RALYL: variants seen among roughly 807,000 people sequenced by gnomAD.
The protein encoded by RALYL is RNA-binding Raly-like protein.
Under a neutral mutation model 35.1 loss-of-function variants are expected in RALYL, and 29 were observed. The observed-to-expected ratio is 0.83, with a 90% CI of 0.61 to 1.13. The LOEUF is 1.13. RALYL is among the 50% of genes most tolerant of loss of function. The pLI is 0.00. For synonymous variants in RALYL, 120 were observed against 127.6 expected, an observed-to-expected ratio of 0.94 and a Z score of 0.40; for missense variants, 359 against 360.4, an observed-to-expected ratio of 1.00 and a Z score of 0.03.
At chr8:84,653,976 G>A (rs780670926) in intron 2 of RALYL, among the ~76,000 whole-genome samples, 1 of 150,954 alleles carries the variant, frequency 6.6e-6, no homozygotes, top group Admixed American at 6.6e-5. Flanking sequence ...GCTCTGAAAG[G>A]TAAGCCCATT....
intron 1 of RALYL, among the ~76,000 whole-genome samples, chr8:84,361,995 T>A (rs1853141290): frequency 6.6e-6 from 1 of 152,152 alleles, no homozygotes; most frequent in Admixed American, 6.6e-5. Context: ...ATAATTCTTA[T>A]TTTCCAGGTT....
intron 2 of RALYL, among the ~76,000 whole-genome samples, chr8:84,592,524 A>G (rs1301398151): frequency 6.6e-6 from 1 of 152,128 alleles, no homozygotes; most frequent in East Asian, 1.9e-4. Flanking sequence ...ATAATTACTA[A>G]TTTTAATCTC....
intron 1 of RALYL, among the ~76,000 whole-genome samples, chr8:84,291,656 T>C (rs1036600345): frequency 6.6e-6 from 1 of 152,018 alleles, no homozygotes. Flanking sequence ...ATTATAAAAA[T>C]GTGCTTACTA....
In RALYL at chr8:84,387,461, T is replaced by G. The variant is rs371778242; in HGVS notation, c.-23-141838T>G. Reference sequence around the variant, plus strand: ...ATTTATTAAAATTTCCAGGCTGTACTTAATTCAGGTAAACTTCAAAATCAC... The same window carrying G: ...ATTTATTAAAATTTCCAGGCTGTACGTAATTCAGGTAAACTTCAAAATCAC... On this transcript the variant is annotated intron_variant, in intron 1 of 8. Coordinates refer to ENST00000521268, the MANE Select transcript of RALYL (RefSeq NM_173848.7). 1.5e-3 allele frequency among the ~76,000 whole-genome samples: 229 copies of G among 152,026 alleles called. 2 individuals are homozygous for G. Among genetic ancestry groups the G allele is most frequent in the African/African-American group, 4.5e-3 (186 of 41,548 alleles).
intron 8 of RALYL, among the ~76,000 whole-genome samples, chr8:84,916,031 G>T (rs926618829): frequency 5.3e-5 from 8 of 152,062 alleles, no homozygotes; most frequent in Non-Finnish European, 8.8e-5. Flanking sequence ...TTAAGTTACT[G>T]TATATGGTAT....
At chr8:84,590,893 A>G (rs550634303) in intron 2 of RALYL, among the ~76,000 whole-genome samples, 1 of 151,906 alleles carries the variant, frequency 6.6e-6, no homozygotes, top group South Asian at 2.1e-4. Flanking sequence ...TAACCTTTCA[A>G]CTCTCTCACT....
chr8:84,812,412 G>C (rs536419767), intron 4 of RALYL, among the ~76,000 whole-genome samples: 8 of 152,230 alleles, frequency 5.3e-5, no homozygotes, highest in Non-Finnish European at 8.8e-5. Flanking sequence ...TTGGCCTTCT[G>C]CTGGGAGGTG....
At chr8:84,435,364 C>T (rs1005148317) in intron 1 of RALYL, among the ~76,000 whole-genome samples, 6 of 152,016 alleles carry the variant, frequency 3.9e-5, no homozygotes, top group African/African-American at 1.2e-4. Context: ...AGAAATATTA[C>T]AAATCTTGGA....
At chr8:84,524,286 C>T (rs375598312) in intron 1 of RALYL, among the ~76,000 whole-genome samples, 49 of 152,180 alleles carry the variant, frequency 3.2e-4, no homozygotes, top group Middle Eastern at 3.4e-3. Context: ...AAAAAGTGGG[C>T]GAAGGACATG....
At chr8:84,826,304 A>G (rs551138680) in intron 4 of RALYL, among the ~76,000 whole-genome samples, 76 of 151,918 alleles carry the variant, frequency 5.0e-4, no homozygotes, top group Admixed American at 1.8e-3. Context: ...AAAAAAAAAA[A>G]AAAAAAAAAA....
chr8:84,672,247 T>G (rs1163309728), intron 2 of RALYL, among the ~76,000 whole-genome samples: 1 of 152,184 alleles, frequency 6.6e-6, no homozygotes, highest in Non-Finnish European at 1.5e-5. Context: ...CTCATCTCCA[T>G]CAGAGACCAC....
chr8:84,336,429 G>A (rs1328307289), intron 1 of RALYL, among the ~76,000 whole-genome samples: 1 of 151,916 alleles, frequency 6.6e-6, no homozygotes, highest in Non-Finnish European at 1.5e-5. Context: ...AAAAAATGAT[G>A]TTTGGGAAAA....
At chr8:84,359,536 C>T (rs900656714) in intron 1 of RALYL, among the ~76,000 whole-genome samples, 2 of 152,016 alleles carry the variant, frequency 1.3e-5, no homozygotes, top group East Asian at 3.9e-4. Context: ...GTATTTTAGT[C>T]ATGTCTAATA....
intron 2 of RALYL, among the ~76,000 whole-genome samples, chr8:84,730,779 ATTTGAAAGCCACAAG>A (rs1373044638): frequency 2.0e-5 from 3 of 152,114 alleles, no homozygotes; most frequent in African/African-American, 7.2e-5. Context: ...ATGTCACATG[ATTTGAAAGCCACAAG>A]ACTAGAAGCA....
At chr8:84,262,139 G>A (rs1452398986) in intron 1 of RALYL, among the ~76,000 whole-genome samples, 1 of 152,130 alleles carries the variant, frequency 6.6e-6, no homozygotes, top group Non-Finnish European at 1.5e-5. Flanking sequence ...CCAGAACAGG[G>A]ATTTTTGATA....
intron 1 of RALYL, among the ~76,000 whole-genome samples, chr8:84,412,141 A>G (rs1245438941): frequency 1.3e-5 from 2 of 151,942 alleles, no homozygotes; most frequent in African/African-American, 4.8e-5. Flanking sequence ...GTGTGATTTT[A>G]AAGGACAATG....
At chr8:84,229,590 T>C (rs1285317306) in intron 1 of RALYL, among the ~76,000 whole-genome samples, 1 of 152,116 alleles carries the variant, frequency 6.6e-6, no homozygotes, top group African/African-American at 2.4e-5. Context: ...TTCCAGCCTA[T>C]AATAATAATT....
rs78290444 is a variant in RALYL at position 84,217,525 on chromosome 8, A to C, written c.-24+33101A>C. On this transcript the variant is annotated intron_variant, in intron 1 of 8. Transcript: ENST00000521268. Reference sequence around the variant, plus strand: ...AATGTTAAAAAGCTGGAGTGTATTTAACACTACAAGGTTAGACACTATAGT... The same window carrying C: ...AATGTTAAAAAGCTGGAGTGTATTTCACACTACAAGGTTAGACACTATAGT... 3.1e-3 allele frequency among the ~76,000 whole-genome samples: 473 copies of C among 152,214 alleles called. 3 individuals carry two copies. Among genetic ancestry groups the C allele is most frequent in the African/African-American group, 0.011 (458 of 41,558 alleles).
intron 2 of RALYL, among the ~76,000 whole-genome samples, chr8:84,702,520 G>GTC (rs141253736): frequency 1.8e-3 from 252 of 141,858 alleles, no homozygotes; most frequent in South Asian, 7.0e-3. Flanking sequence ...TAGTTGCATA[G>GTC]TCTCTCTCTC....
Sources: allele counts gnomAD v4.1 joint callset (sites outside exome capture counted in the v4.1 genomes callset), GRCh38; gene constraint gnomAD v4.1.1; transcripts MANE v1.5; gene names NCBI Gene and HGNC (gene_info 2026-07-23, HGNC 2026-07-21).